Variants in TENM3 observed in about 807,000 individuals in gnomAD.
The protein encoded by TENM3 is teneurin-3.
TENM3 carries 63 observed loss-of-function variants against 255.1 expected under a neutral mutation model. The ratio of observed to expected loss-of-function variants is 0.25; its 90% CI spans 0.20 to 0.30. The LOEUF (loss-of-function observed/expected upper bound fraction) is 0.30, where lower values mean the gene tolerates loss of function less well. TENM3 is among the 10% of genes least tolerant of loss of function. TENM3 has a pLI of 1.00. For missense variants in TENM3, 2,929 were observed against 3,461.1 expected (o/e 0.85, Z 3.86); for synonymous variants, 1,306 against 1,322.3 (o/e 0.99, Z 0.27).
At chr4:182,622,281 A>T (rs1009850658) in intron 4 of TENM3, among the ~76,000 whole-genome samples, 4 of 151,792 alleles carry the variant, frequency 2.6e-5, no homozygotes, top group African/African-American at 9.7e-5. Context: ...CAGGAGGCGG[A>T]GGTTGCAGTG....
At chr4:182,027,181 G>A in the TENM3 span, among the ~76,000 whole-genome samples, 1 of 151,864 alleles carries the variant, frequency 6.6e-6, no homozygotes, top group South Asian at 2.1e-4. Context: ...TAATTTTATT[G>A]ATGGCTATTG....
chr4:181,460,857 A>C, the TENM3 span, among the ~76,000 whole-genome samples: 1 of 151,808 alleles, frequency 6.6e-6, no homozygotes, highest in Non-Finnish European at 1.5e-5. Context: ...GTATGGTATA[A>C]ATTCCATAAT....
chr4:182,284,998 T>TAC (rs772137460), intron 1 of TENM3, among the ~76,000 whole-genome samples: 1 of 152,010 alleles, frequency 6.6e-6, no homozygotes, highest in African/African-American at 2.4e-5. Flanking sequence ...ATATTTAGCA[T>TAC]ATATATATAT....
chr4:181,497,080 T>A, the TENM3 span, among the ~76,000 whole-genome samples: 80 of 152,300 alleles, frequency 5.3e-4, no homozygotes, highest in Non-Finnish European at 9.9e-4. Context: ...AGAATTTAAG[T>A]AGCTCACGAC....
At chr4:181,638,401 G>A in the TENM3 span, among the ~76,000 whole-genome samples, 1 of 152,136 alleles carries the variant, frequency 6.6e-6, no homozygotes, top group Non-Finnish European at 1.5e-5. Flanking sequence ...AATACTTAAT[G>A]CCCCCCTGTG....
chr4:181,823,523 A>G, the TENM3 span, among the ~76,000 whole-genome samples: 1 of 152,188 alleles, frequency 6.6e-6, no homozygotes, highest in Admixed American at 6.5e-5. Context: ...TTACAAAGGC[A>G]TCAAGAGGAA....
chr4:181,621,751 C>A, the TENM3 span, among the ~76,000 whole-genome samples: 1 of 152,224 alleles, frequency 6.6e-6, no homozygotes, highest in East Asian at 1.9e-4. Context: ...GGGAAAAGAT[C>A]CAACCACAGG....
chr4:182,334,935 A>G (rs973873428), intron 2 of TENM3, among the ~76,000 whole-genome samples: 7 of 152,162 alleles, frequency 4.6e-5, no homozygotes, highest in African/African-American at 1.7e-4. Flanking sequence ...CTTATAAAAC[A>G]CGAAGTCCAG....
intron 3 of TENM3, among the ~76,000 whole-genome samples, chr4:182,598,238 G>A (rs1001216235): frequency 3.9e-5 from 6 of 152,148 alleles, no homozygotes; most frequent in Admixed American, 3.3e-4. Flanking sequence ...ATATCATTCA[G>A]ACTTTGCATG....
the TENM3 span, among the ~76,000 whole-genome samples, chr4:182,099,103 A>G: frequency 6.6e-6 from 1 of 151,628 alleles, no homozygotes; most frequent in Non-Finnish European, 1.5e-5. Flanking sequence ...CTAGGACTAC[A>G]GGTGTATGCC....
Position 182,628,721 on chromosome 4 carries a change from G to A in TENM3, c.820G>A (p.Ala274Thr), listed in dbSNP as rs1352161427. 2 of 1,608,844 alleles carry A rather than the reference G, an allele frequency of 1.2e-6. No homozygotes were observed. The highest frequency in any genetic ancestry group is 1.7e-6 in the Non-Finnish European group (2 of 1,177,560). ...FSTATPGYTM[A>T]SGSVYSPPTR... Reference sequence around the variant, plus strand: ...TACTGCAACCCCAGGATACACAATGGCATCTGGCTCTGTTTATTCACCACC... The same window carrying A: ...TACTGCAACCCCAGGATACACAATGACATCTGGCTCTGTTTATTCACCACC... Residue 274 changes from alanine (A) to threonine (T), a missense_variant, in exon 5 of 28, where the codon GCA (alanine) becomes ACA (threonine). By Grantham distance (58) the Ala-to-Thr change is moderately conservative. Around this residue, in one of 6 missense-constraint regions of TENM3, gnomAD observed 1,608 missense variants for 1,884.4 expected, o/e 0.85. Coordinates refer to ENST00000511685, the MANE Select transcript of TENM3 (RefSeq NM_001080477.4).
At chr4:182,326,979 G>A (rs1293970394) in intron 2 of TENM3, among the ~76,000 whole-genome samples, 1 of 152,148 alleles carries the variant, frequency 6.6e-6, no homozygotes, top group Admixed American at 6.5e-5. Flanking sequence ...GTGGCGTTGC[G>A]GATGCTTTCT....
the TENM3 span, among the ~76,000 whole-genome samples, chr4:182,129,807 C>A: frequency 6.6e-6 from 1 of 152,200 alleles, no homozygotes; most frequent in African/African-American, 2.4e-5. Flanking sequence ...TTAAAAGCAT[C>A]TTCCTTAAGA....
chr4:182,469,030 G>A (rs968696518), intron 3 of TENM3, among the ~76,000 whole-genome samples: 4 of 152,036 alleles, frequency 2.6e-5, no homozygotes, highest in Non-Finnish European at 4.4e-5. Flanking sequence ...AATCAATGAC[G>A]ATGAGATGAT....
intron 1 of TENM3, among the ~76,000 whole-genome samples, chr4:182,231,531 G>A (rs1056945455): frequency 3.3e-5 from 5 of 152,086 alleles, no homozygotes; most frequent in Admixed American, 6.6e-5. Flanking sequence ...TATATTTCAC[G>A]GGCAGCTGCT....
the TENM3 span, among the ~76,000 whole-genome samples, chr4:182,048,645 T>G: frequency 6.6e-6 from 1 of 152,190 alleles, no homozygotes; most frequent in Non-Finnish European, 1.5e-5. Flanking sequence ...AAAGGAAACT[T>G]TTTTCTTTTT....
the TENM3 span, among the ~76,000 whole-genome samples, chr4:181,717,973 G>C: frequency 6.6e-6 from 1 of 152,164 alleles, no homozygotes; most frequent in African/African-American, 2.4e-5. Flanking sequence ...GCAGAAAAAT[G>C]CCTCTTCTGG....
At chr4:181,533,325 C>T in the TENM3 span, among the ~76,000 whole-genome samples, 6 of 152,192 alleles carry the variant, frequency 3.9e-5, no homozygotes, top group Non-Finnish European at 8.8e-5. Context: ...GTACCGCCAC[C>T]ATCATCACTT....
At chr4:182,034,266 G>A in the TENM3 span, among the ~76,000 whole-genome samples, 1 of 152,150 alleles carries the variant, frequency 6.6e-6, no homozygotes, top group Non-Finnish European at 1.5e-5. Context: ...GTGAGATTTG[G>A]GTGGGGACAC....
Sources: gnomAD v4.1 joint callset for allele counts (sites outside exome capture counted in the v4.1 genomes callset) on GRCh38, gnomAD v4.1.1 for gene constraint, gnomAD v4.1.1 regional missense constraint, MANE v1.5 for transcripts, NCBI Gene and HGNC (gene_info 2026-07-23, HGNC 2026-07-21) for gene names.